Variants in LRFN3 observed in about 807,000 individuals in gnomAD.
LRFN3 encodes the protein leucine-rich repeat and fibronectin type-III domain-containing protein 3.
Under a neutral mutation model 23.8 loss-of-function variants are expected in LRFN3, and 8 were observed. The ratio of observed to expected loss-of-function variants is 0.34; its 90% confidence interval spans 0.20 to 0.61. The LOEUF (loss-of-function observed/expected upper bound fraction) is 0.61. Among genes scored for constraint, LRFN3 ranks in the 20% least tolerant of loss-of-function variants. The pLI is 0.80. For synonymous variants in LRFN3, 451 were observed against 450.6 expected, an observed-to-expected ratio of 1.00 and a Z score of -0.01; for missense variants, 736 against 935.3, an observed-to-expected ratio of 0.79 and a Z score of 2.78.
In LRFN3 at chr19:35,940,407, C is replaced by T. The variant is rs781141462; in HGVS notation, c.982C>T (p.Arg328Cys). ...RAVGDPEPRVRWVSPQGRLLG... is the reference protein window; with the variant it reads ...RAVGDPEPRVCWVSPQGRLLG... ...AGTGGGGGACCCAGAGCCCCGTGTG[C>T]GTTGGGTGTCACCCCAGGGCCGGCT... The change falls in exon 2 of 3, where the codon CGT becomes TGT. Residue 328 changes from arginine (R) to cysteine (C), a missense_variant. Arg to Cys is a radical substitution (Grantham distance 180). Coordinates refer to ENST00000246529, the MANE Select transcript of LRFN3 (RefSeq NM_024509.2). 3.2e-6 allele frequency: 5 copies of T among 1,584,700 alleles called. No individual in the cohort carries two copies. The highest frequency in any genetic ancestry group is 3.4e-6 in the Non-Finnish European group (4 of 1,170,520).
At position 35,940,423 on chromosome 19, in the gene LRFN3, A is replaced by G; in HGVS notation, c.998A>G (p.Gln333Arg). 6.3e-7 allele frequency: 1 copy of G among 1,595,264 alleles called. No individual in the cohort carries two copies. The highest frequency in any genetic ancestry group is 8.5e-7 in the Non-Finnish European group (1 of 1,175,404). ...CCCCGTGTGCGTTGGGTGTCACCCC[A>G]GGGCCGGCTGCTAGGCAACTCAAGC... Reference protein sequence around the residue: ...PEPRVRWVSPQGRLLGNSSRA... With the variant: ...PEPRVRWVSPRGRLLGNSSRA... Residue 333 changes from glutamine (Q) to arginine (R), a missense_variant, in exon 2 of 3, where the codon CAG (glutamine) becomes CGG (arginine). By Grantham distance (43) the Gln-to-Arg change is conservative (BLOSUM62 1). Transcript: ENST00000246529.
In LRFN3 at chr19:35,940,150, T is replaced by C; in HGVS notation, c.725T>C (p.Leu242Pro). ...ARPRGSPASA[L>P]VLAFGGNPLH... ...CCCCGGGGCTCGCCCGCCTCTGCCC[T>C]GGTGCTGGCCTTTGGCGGGAACCCC... is the stretch of plus-strand genomic sequence containing the variant. The change falls in exon 2 of 3, where the codon CTG becomes CCG. Residue 242 changes from leucine to proline, a missense_variant. This residue lies in a region of LRFN3 where 446 missense variants were observed against 647.9 expected (regional missense o/e 0.69). Transcript: ENST00000246529. 6.2e-7 allele frequency: 1 copy of C among 1,611,224 alleles called. No individual in the cohort carries two copies. The highest frequency in any genetic ancestry group is 1.3e-5 in the African/African-American group (1 of 75,036).
In LRFN3 at chr19:35,937,383, C is replaced by T. The variant is rs943259876; in HGVS notation, c.-189C>T. The T allele has an allele frequency of 1.3e-5, 2 of 152,406 alleles. No homozygotes were observed. Among genetic ancestry groups the T allele is most frequent in the Non-Finnish European group, 2.9e-5 (2 of 68,068 alleles). 9.4% of individuals were successfully genotyped at this position (152,406 alleles called of 1,614,324 possible). Reference sequence around the variant, plus strand: ...CCCAATATTTAGGGGTCTGGAACCCCGAGTATTAAGGTCTGGAGACTCCGT... The same window carrying T: ...CCCAATATTTAGGGGTCTGGAACCCTGAGTATTAAGGTCTGGAGACTCCGT... On this transcript the variant is annotated 5_prime_UTR_variant, in exon 1 of 3. Coordinates refer to ENST00000246529, the MANE Select transcript of LRFN3 (RefSeq NM_024509.2).
At chr19:35,942,711 T>C (rs577573535) in intron 2 of LRFN3, among the ~76,000 whole-genome samples, 1 of 152,228 alleles carries the variant, frequency 6.6e-6, no homozygotes, top group African/African-American at 2.4e-5. Context: ...CTCGGAAGAT[T>C]GCACGGAAGT....
intron 2 of LRFN3, among the ~76,000 whole-genome samples, chr19:35,943,127 C>T (rs1426523444): frequency 1.3e-5 from 2 of 151,996 alleles, no homozygotes; most frequent in East Asian, 1.9e-4. Context: ...CAGGCGGCCA[C>T]GGAGTTCCCT....
chr19:35,941,029 C>T (rs1976115198), intron 2 of LRFN3, among the ~76,000 whole-genome samples, 189 bp downstream of exon 2: 1 of 152,068 alleles, frequency 6.6e-6, no homozygotes, highest in South Asian at 2.1e-4. Flanking sequence ...CAGAAAGGGT[C>T]AATGAAATCT....
chr19:35,937,828 C>T lies in LRFN3; in HGVS notation c.-17+273C>T, dbSNP rs552559306. Reference sequence around the variant, plus strand: ...CCTTTCGCTGTCTATCCGGTCCGACCGTCTCCGCCACCTCTCTTGTCCACC... The same window carrying T: ...CCTTTCGCTGTCTATCCGGTCCGACTGTCTCCGCCACCTCTCTTGTCCACC... On this transcript the variant is annotated intron_variant, in intron 1 of 2. Transcript: ENST00000246529. 1.4e-4 allele frequency among the ~76,000 whole-genome samples: 22 copies of T among 152,306 alleles called. No homozygotes were observed. The South Asian group carries it at 3.7e-3, about 26-fold the overall frequency.
rs2145303343 is a variant in LRFN3 at position 35,944,477 on chromosome 19, A to C, written c.1416-71A>C. The C allele has an allele frequency of 9.3e-7, 1 of 1,074,450 alleles. No individual in the cohort carries two copies. Among genetic ancestry groups the C allele is most frequent in the East Asian group, 3.1e-5 (1 of 32,218 alleles). 66.6% of individuals were successfully genotyped at this position (1,074,450 alleles called of 1,614,324 possible). A position where few individuals can be genotyped will look rare whatever the true frequency, so the allele number is the denominator to read the frequency against. Reference sequence around the variant, plus strand: ...TGGTGGGAAGTCTAGCCCCGCAGGGAGTTTGGTGGGGGAAGCACAGGTTGG... The same window carrying C: ...TGGTGGGAAGTCTAGCCCCGCAGGGCGTTTGGTGGGGGAAGCACAGGTTGG... On this transcript the variant is annotated intron_variant, in intron 2 of 2. Coordinates refer to ENST00000246529, the MANE Select transcript of LRFN3 (RefSeq NM_024509.2). The surrounding 1 kb of genome is among the most constrained non-coding windows in gnomAD (Gnocchi z 4.5).
chr19:35,942,515 G>T (rs559198641), intron 2 of LRFN3, among the ~76,000 whole-genome samples: 1 of 152,334 alleles, frequency 6.6e-6, no homozygotes, highest in South Asian at 2.1e-4. Context: ...TGGGCCAAGG[G>T]TGCAGCCCCA....
chr19:35,939,293 G>C lies in LRFN3; in HGVS notation c.-16-117G>C, dbSNP rs536150246. ...CCTCTGGCTTTTGGTCACATCTGAC[G>C]GTCTTTGACCAGCCCTTCTGCCCTC... On this transcript the variant is annotated intron_variant, in intron 1 of 2. Coordinates refer to ENST00000246529, the MANE Select transcript of LRFN3 (RefSeq NM_024509.2). This position sits in a 1 kb window ranked among gnomAD's most constrained non-coding sequence, Gnocchi z 6.4. 2.3e-5 allele frequency: 25 copies of C among 1,100,824 alleles called. No homozygotes were observed. The highest frequency in any genetic ancestry group is 3.2e-5 in the Non-Finnish European group (25 of 785,234). The allele number at this position is 1,100,824 out of a possible 1,614,324, so 68.2% of individuals were successfully genotyped here.
rs1163989886 is a variant in LRFN3, at chr19:35,940,111, C to A, written c.686C>A (p.Pro229His). The change falls in exon 2 of 3, where the codon CCC becomes CAC. Residue 229 changes from proline to histidine, a missense_variant. This residue lies in a region of LRFN3 where 446 missense variants were observed against 647.9 expected (regional missense o/e 0.69). Coordinates refer to ENST00000246529, the MANE Select transcript of LRFN3 (RefSeq NM_024509.2). ...IPPDPLFSRL[P>H]LLARPRGSPA... ...CCCGACCCACTCTTCTCCCGCCTGC[C>A]CCTGCTCGCCAGGCCCCGGGGCTCG... 6.2e-7 allele frequency: 1 copy of A among 1,611,650 alleles called. No individual in the cohort carries two copies. Among genetic ancestry groups the A allele is most frequent in the African/African-American group, 1.3e-5 (1 of 74,912 alleles).
intron 2 of LRFN3, among the ~76,000 whole-genome samples, chr19:35,942,556 G>A (rs907597750): frequency 6.6e-6 from 1 of 152,232 alleles, no homozygotes; most frequent in Non-Finnish European, 1.5e-5. Flanking sequence ...ACCTCCCCAG[G>A]GTTGAGGACT....
rs201737864 is a variant in LRFN3 at position 35,940,118 on chromosome 19, C to T, written c.693C>T (p.Leu231=). The T allele has an allele frequency of 4.3e-4, 698 of 1,611,444 alleles. 10 individuals carry two copies. The South Asian group carries it at 6.3e-3, about 15-fold the overall frequency. Residue 231 remains leucine, a synonymous_variant, in exon 2 of 3, where the codon CTC becomes CTT. Coordinates refer to ENST00000246529, the MANE Select transcript of LRFN3 (RefSeq NM_024509.2). ...PDPLFSRLPL[L]ARPRGSPASA... ...CACTCTTCTCCCGCCTGCCCCTGCT[C>T]GCCAGGCCCCGGGGCTCGCCCGCCT... is the stretch of plus-strand genomic sequence containing the variant.
At position 35,945,253 on chromosome 19, in the gene LRFN3, T is replaced by G; in HGVS notation, c.*234T>G. The G allele has an allele frequency of 2.1e-5, 8 of 386,004 alleles. No individual in the cohort carries two copies. The highest frequency in any genetic ancestry group is 9.1e-6 in the Non-Finnish European group (2 of 218,988). The allele number at this position is 386,004 out of a possible 1,614,324, so 23.9% of individuals were successfully genotyped here. ...GGGGGACGGAGCAGGGGTCTGGAGCTGGGGAATGCCTCCTTTGGGGAGACA... is the reference window on the plus strand; with the variant it reads ...GGGGGACGGAGCAGGGGTCTGGAGCGGGGGAATGCCTCCTTTGGGGAGACA... On this transcript the variant is annotated 3_prime_UTR_variant, in exon 3 of 3. Transcript: ENST00000246529.
At chr19:35,938,909 G>A (rs950755116) in intron 1 of LRFN3, among the ~76,000 whole-genome samples, 1 of 152,222 alleles carries the variant, frequency 6.6e-6, no homozygotes, top group Admixed American at 6.5e-5. Flanking sequence ...AAAGCCCTCT[G>A]GTTTTCCTGC....
Position 35,946,298 on chromosome 19 carries a change from G to A in LRFN3, c.*1279G>A, listed in dbSNP as rs1003856707. Reference sequence around the variant, plus strand: ...TGCTGGGGTTAAGACGGCTTCTTGTGGGGGATGATTCCAAGTCCCCACTAT... The same window carrying A: ...TGCTGGGGTTAAGACGGCTTCTTGTAGGGGATGATTCCAAGTCCCCACTAT... On this transcript the variant is annotated 3_prime_UTR_variant, in exon 3 of 3. Coordinates refer to ENST00000246529, the MANE Select transcript of LRFN3 (RefSeq NM_024509.2). Among the ~76,000 whole-genome samples the A allele has an allele frequency of 1.3e-5, 2 of 151,904 alleles. No homozygotes were observed. The highest frequency in any genetic ancestry group is 4.8e-5 in the African/African-American group (2 of 41,320).
At position 35,944,627 on chromosome 19, in the gene LRFN3, G is replaced by A. The variant is rs746127704; in HGVS notation, c.1495G>A (p.Val499Met). ...GRTYDLCVLA[V>M]YEDSATGLTA... ...GACCTACGATCTGTGCGTGCTCGCC[G>A]TGTATGAGGACAGCGCCACGGGGCT... is the stretch of plus-strand genomic sequence containing the variant. Residue 499 changes from valine to methionine, a missense_variant, in exon 3 of 3, where the codon GTG (valine) becomes ATG (methionine). By Grantham distance (21) the Val-to-Met change is conservative. Transcript: ENST00000246529. The surrounding 1 kb of genome is among the most constrained non-coding windows in gnomAD (Gnocchi z 4.5). The A allele has an allele frequency of 5.7e-6, 9 of 1,570,144 alleles. No individual in the cohort carries two copies. The highest frequency in any genetic ancestry group is 2.7e-5 in the African/African-American group (2 of 73,148).
chr19:35,940,113 C>G lies in LRFN3; in HGVS notation c.688C>G (p.Leu230Val). ...CGACCCACTCTTCTCCCGCCTGCCC[C>G]TGCTCGCCAGGCCCCGGGGCTCGCC... ...PPDPLFSRLP[L>V]LARPRGSPAS... Residue 230 changes from leucine to valine, a missense_variant, in exon 2 of 3, where the codon CTG becomes GTG. Physicochemically the swap from Leu to Val is conservative, Grantham distance 32. Transcript: ENST00000246529. 6.2e-7 allele frequency: 1 copy of G among 1,611,742 alleles called. No individual in the cohort carries two copies.
rs1276479264 is a variant in LRFN3, at chr19:35,936,701, C to G, written c.-871C>G. 6.5e-6 allele frequency: 1 copy of G among 152,852 alleles called. No homozygotes were observed. Among genetic ancestry groups the G allele is most frequent in the Non-Finnish European group, 1.5e-5 (1 of 68,544 alleles). 9.5% of individuals were successfully genotyped at this position (152,852 alleles called of 1,614,324 possible). On this transcript the variant is annotated 5_prime_UTR_variant, in exon 1 of 3. Transcript: ENST00000246529. Reference sequence around the variant, plus strand: ...CCCAGGAAGCCAGCCGGGACGCCGCCGCCCCGGACCCCGCGCCCTAACCTC... The same window carrying G: ...CCCAGGAAGCCAGCCGGGACGCCGCGGCCCCGGACCCCGCGCCCTAACCTC...
Sources: gnomAD v4.1 joint callset for allele counts (sites outside exome capture counted in the v4.1 genomes callset) on GRCh38, gnomAD v4.1.1 for gene constraint, gnomAD v4.1.1 regional missense constraint, Gnocchi (gnomAD v3.1) non-coding constraint, MANE v1.5 for transcripts, NCBI Gene and HGNC (gene_info 2026-07-23, HGNC 2026-07-21) for gene names.